Variants in UBR3 observed in about 807,000 individuals in gnomAD.
UBR3 encodes the protein ubiquitin protein ligase E3 component n-recognin 3.
In UBR3, 85 loss-of-function variants were observed where a neutral mutation model predicts 243.2. The ratio of observed to expected loss-of-function variants is 0.35; its 90% CI spans 0.29 to 0.42. The LOEUF is 0.42. Among genes scored for constraint, UBR3 ranks in the 10% least tolerant of loss-of-function variants. UBR3 has a pLI of 1.00. For synonymous variants in UBR3, 748 were observed against 799.8 expected (o/e 0.94, Z 1.09); for missense variants, 1,686 against 2,300.8 (o/e 0.73, Z 5.47).
At chr2:169,976,120 A>T (rs1016051211) in intron 24 of UBR3, among the ~76,000 whole-genome samples, 1 of 150,814 alleles carries the variant, frequency 6.6e-6, no homozygotes, top group Non-Finnish European at 1.5e-5. Context: ...TTTTTTTTTT[A>T]AATCCATACA....
chr2:169,993,718 C>A (rs1411076940), intron 25 of UBR3, among the ~76,000 whole-genome samples: 2 of 152,144 alleles, frequency 1.3e-5, no homozygotes, highest in East Asian at 3.8e-4. Context: ...TAGGATGATA[C>A]GTTAAGACTC....
At chr2:169,923,199 G>A (rs1196532070) in intron 11 of UBR3, among the ~76,000 whole-genome samples, 3 of 152,102 alleles carry the variant, frequency 2.0e-5, no homozygotes, top group Non-Finnish European at 4.4e-5. Flanking sequence ...GTTTTGTTAT[G>A]GAGGCTGGTG....
At chr2:169,907,661 C>G (rs1427471721) in intron 10 of UBR3, among the ~76,000 whole-genome samples, 1 of 152,186 alleles carries the variant, frequency 6.6e-6, no homozygotes, top group East Asian at 1.9e-4. Flanking sequence ...AAAAATCATT[C>G]AAGTTCTCAT....
chr2:169,828,084 C>T (rs1028058676), intron 1 of UBR3, 32 bp downstream of exon 1: 4 of 1,352,496 alleles, frequency 3.0e-6, no homozygotes, highest in Non-Finnish European at 2.9e-6. Flanking sequence ...GGCGAGGCGA[C>T]CCTGGGCCGG....
In UBR3 at chr2:170,013,281, G is replaced by A. The variant is rs575540903; in HGVS notation, c.4368-2000G>A. Among the ~76,000 whole-genome samples, 4 of 152,180 alleles carry A rather than the reference G, an allele frequency of 2.6e-5. No individual in the cohort carries two copies. In the East Asian group the frequency reaches 5.8e-4, roughly 22 times the overall value. ...TTTGACATATATGAAACAAAGAAAA[G>A]TTGGTATTTAGAGCCATATTGATTT... On this transcript the variant is annotated intron_variant, in intron 29 of 38. Coordinates refer to ENST00000272793, the MANE Select transcript of UBR3 (RefSeq NM_172070.4).
At chr2:170,017,285 G>A (rs12992853) in intron 30 of UBR3, among the ~76,000 whole-genome samples, 148,423 of 151,910 alleles carry the variant, frequency 0.98, 72,593 homozygotes, top group East Asian at 1. Context: ...GCTCTTTATT[G>A]CTTTTTGAAC....
intron 25 of UBR3, among the ~76,000 whole-genome samples, chr2:169,992,209 A>T (rs1262722127): frequency 2.0e-5 from 3 of 152,222 alleles, no homozygotes; most frequent in African/African-American, 7.2e-5. Flanking sequence ...AAATGGACCC[A>T]AGAAGTAATA....
At position 170,081,894 on chromosome 2, in the gene UBR3, T is replaced by C; in HGVS notation, c.*51T>C. On this transcript the variant is annotated 3_prime_UTR_variant, in exon 39 of 39. Transcript: ENST00000272793. ...TCATCATTTTCGCTACGAATTTATTTTTCAACAATAAGCTTTAACTTAATT... is the reference window on the plus strand; with the variant it reads ...TCATCATTTTCGCTACGAATTTATTCTTCAACAATAAGCTTTAACTTAATT... The C allele has an allele frequency of 7.7e-7, 1 of 1,290,504 alleles. No homozygotes were observed. The highest frequency in any genetic ancestry group is 1.1e-6 in the Non-Finnish European group (1 of 945,030). The allele number at this position is 1,290,504 out of a possible 1,614,324, so 79.9% of individuals were successfully genotyped here.
chr2:169,935,060 A>G (rs13417894), intron 19 of UBR3, among the ~76,000 whole-genome samples: 31,620 of 152,142 alleles, frequency 0.21, 3,686 homozygotes, highest in East Asian at 0.37. Flanking sequence ...CAATACAACA[A>G]CAACAAAGCA....
chr2:170,047,647 C>T (rs2091121922), intron 32 of UBR3, among the ~76,000 whole-genome samples: 2 of 152,074 alleles, frequency 1.3e-5, no homozygotes, highest in African/African-American at 4.8e-5. Context: ...TACAGTAGTC[C>T]CCCCTTACCC....
At chr2:169,892,739 T>C (rs1407800878) in intron 6 of UBR3, among the ~76,000 whole-genome samples, 3 of 152,164 alleles carry the variant, frequency 2.0e-5, no homozygotes, top group African/African-American at 7.2e-5. Context: ...TTCCACAGCT[T>C]GAAAAGTGCA....
intron 11 of UBR3, among the ~76,000 whole-genome samples, chr2:169,916,373 C>A (rs1192147054): frequency 1.3e-5 from 2 of 152,086 alleles, no homozygotes; most frequent in South Asian, 4.1e-4. Context: ...AAGCAACTCT[C>A]ATCTCAGTTG....
At chr2:169,981,942 G>A (rs189516599) in intron 24 of UBR3, among the ~76,000 whole-genome samples, 11 of 152,264 alleles carry the variant, frequency 7.2e-5, no homozygotes, top group African/African-American at 2.2e-4. Context: ...TAATGATAGT[G>A]TGCAGTGGGA....
At chr2:170,026,223 G>C (rs968930363) in intron 30 of UBR3, among the ~76,000 whole-genome samples, 1 of 151,842 alleles carries the variant, frequency 6.6e-6, no homozygotes, top group African/African-American at 2.4e-5. Context: ...AGAGAGAAGA[G>C]AGTTAAGAAT....
intron 30 of UBR3, among the ~76,000 whole-genome samples, chr2:170,020,763 A>T (rs1429446923): frequency 6.6e-6 from 1 of 152,184 alleles, no homozygotes; most frequent in East Asian, 1.9e-4. Flanking sequence ...TTTTCTTTTG[A>T]TACATCTTAC....
At position 169,927,348 on chromosome 2, in the gene UBR3, C is replaced by G; in HGVS notation, c.2367C>G (p.Ala789=). ...LGMSDDEILR[A]EMVAQLCMND... Reference sequence around the variant, plus strand: ...TGTCTGATGATGAGATTCTCAGGGCCGAGATGGTAGCCCAGCTGTGTATGA... The same window carrying G: ...TGTCTGATGATGAGATTCTCAGGGCGGAGATGGTAGCCCAGCTGTGTATGA... Residue 789 remains alanine (A), a synonymous_variant, in exon 17 of 39, where the codon GCC becomes GCG. Coordinates refer to ENST00000272793, the MANE Select transcript of UBR3 (RefSeq NM_172070.4). The G allele has an allele frequency of 1.9e-6, 3 of 1,550,692 alleles. No individual in the cohort carries two copies. Among genetic ancestry groups the G allele is most frequent in the Non-Finnish European group, 1.7e-6 (2 of 1,146,582 alleles).
intron 33 of UBR3, among the ~76,000 whole-genome samples, chr2:170,055,880 T>TA (rs2105443001): frequency 6.6e-6 from 1 of 152,306 alleles, no homozygotes; most frequent in East Asian, 1.9e-4. Flanking sequence ...GAGCACATGA[T>TA]AAAATATCTG....
intron 30 of UBR3, among the ~76,000 whole-genome samples, chr2:170,017,855 A>G (rs1049174403): frequency 6.6e-6 from 1 of 152,198 alleles, no homozygotes; most frequent in Non-Finnish European, 1.5e-5. Flanking sequence ...AATATCCTAC[A>G]TTTGTAGTTT....
chr2:170,026,921 G>A (rs1030446205), intron 30 of UBR3, among the ~76,000 whole-genome samples: 2 of 151,822 alleles, frequency 1.3e-5, no homozygotes, highest in Admixed American at 6.6e-5. Context: ...ATGAATATTA[G>A]AGTTCAGTCT....
Sources: allele counts gnomAD v4.1 joint callset (sites outside exome capture counted in the v4.1 genomes callset), GRCh38; gene constraint gnomAD v4.1.1; transcripts MANE v1.5; gene names NCBI Gene and HGNC (gene_info 2026-07-23, HGNC 2026-07-21).